The following KIRREL3 variants were observed in gnomAD, a reference collection of about 807,000 sequenced individuals.
KIRREL3 encodes kirre like nephrin family adhesion molecule 3.
Under a neutral mutation model 89.7 loss-of-function variants are expected in KIRREL3, and 36 were observed. The observed-to-expected ratio is 0.40, with a 90% CI of 0.31 to 0.53. The LOEUF is 0.53. Ranked by LOEUF, KIRREL3 falls within the 20% of genes least tolerant of loss-of-function variation. KIRREL3 has a pLI of 0.49. For synonymous variants in KIRREL3, 445 were observed against 441.4 expected, an observed-to-expected ratio of 1.01 and a Z score of -0.10; for missense variants, 864 against 1,056.6, an observed-to-expected ratio of 0.82 and a Z score of 2.53.
chr11:126,438,539 G>A lies in KIRREL3; in HGVS notation c.1354-1530C>T, dbSNP rs556871614. 9.2e-5 allele frequency among the ~76,000 whole-genome samples: 14 copies of A among 152,344 alleles called. No homozygotes were observed. The East Asian group carries it at 2.5e-3, about 27-fold the overall frequency. ...GTGATGACAACCAAAATGTCTCCAG[G>A]CACTGCCAAATGTCCCCTGGGGCCA... is the stretch of plus-strand genomic sequence containing the variant. On this transcript the variant is annotated intron_variant, in intron 11 of 16. Coordinates refer to ENST00000525144, the MANE Select transcript of KIRREL3 (RefSeq NM_032531.4).
chr11:126,899,071 G>A (rs1667612533), intron 1 of KIRREL3, among the ~76,000 whole-genome samples: 1 of 152,066 alleles, frequency 6.6e-6, no homozygotes, highest in African/African-American at 2.4e-5. Context: ...TTAACAGAAG[G>A]TGGAAGGCTG....
At chr11:127,000,830 C>A (rs914974587), upstream of KIRREL3, 4 of 465,310 alleles carry the variant, frequency 8.6e-6, no homozygotes, top group African/African-American at 2.0e-5. This position sits in a 1 kb window ranked among gnomAD's most constrained non-coding sequence, Gnocchi z 7.1. Context: ...AGTGAGCGAG[C>A]GAGCTAGTGA....
chr11:126,923,176 C>CT (rs766266024), intron 1 of KIRREL3, among the ~76,000 whole-genome samples: 7,763 of 17,568 alleles, frequency 0.44, 2,674 homozygotes, highest in Middle Eastern at 0.55. Flanking sequence ...TCTTCTTCTT[C>CT]TCTTCTTCTT....
intron 1 of KIRREL3, among the ~76,000 whole-genome samples, chr11:126,613,121 C>T (rs1405397173): frequency 6.6e-6 from 1 of 152,106 alleles, no homozygotes; most frequent in Non-Finnish European, 1.5e-5. Context: ...TGTCCACCCC[C>T]TTACATTTAA....
At chr11:126,753,660 A>C (rs925438041) in intron 1 of KIRREL3, among the ~76,000 whole-genome samples, 1 of 152,166 alleles carries the variant, frequency 6.6e-6, no homozygotes, top group African/African-American at 2.4e-5. Context: ...AAGGGTGACA[A>C]ATGGAGTATC....
At position 126,682,855 on chromosome 11, in the gene KIRREL3, G is replaced by A. The variant is rs542785100; in HGVS notation, c.56-119943C>T. On this transcript the variant is annotated intron_variant, in intron 1 of 16. Transcript: ENST00000525144. This position sits in a 1 kb window ranked among gnomAD's most constrained non-coding sequence, Gnocchi z 4.8. ...TCTGGTTCCTAACAGGCTGAGGACCGGTACCCCGGGGCTGGGGATCCCTGT... is the reference window on the plus strand; with the variant it reads ...TCTGGTTCCTAACAGGCTGAGGACCAGTACCCCGGGGCTGGGGATCCCTGT... Among the ~76,000 whole-genome samples the A allele has an allele frequency of 2.0e-5, 3 of 152,146 alleles. No homozygotes were observed. The highest frequency in any genetic ancestry group is 1.3e-4 in the Admixed American group (2 of 15,298).
intron 1 of KIRREL3, among the ~76,000 whole-genome samples, chr11:126,613,871 C>CTTTTTTTGTT (rs1943230508): frequency 1.1e-5 from 1 of 88,542 alleles, no homozygotes; most frequent in African/African-American, 5.3e-5. Context: ...AATACTGTTG[C>CTTTTTTTGTT]TTTTTTTTTT....
At chr11:126,616,185 G>T (rs1029097692) in intron 1 of KIRREL3, among the ~76,000 whole-genome samples, 2 of 152,196 alleles carry the variant, frequency 1.3e-5, no homozygotes, top group African/African-American at 2.4e-5. Context: ...TTACTGAGAT[G>T]GCGTTGCCCG....
intron 1 of KIRREL3, among the ~76,000 whole-genome samples, chr11:126,952,990 C>T (rs1038003744): frequency 6.6e-6 from 1 of 152,160 alleles, no homozygotes; most frequent in African/African-American, 2.4e-5. Flanking sequence ...TGGGTATATA[C>T]CCAAAGGATT....
chr11:126,799,126 G>A (rs200255319), intron 1 of KIRREL3, among the ~76,000 whole-genome samples: 30 of 130,556 alleles, frequency 2.3e-4, no homozygotes, highest in South Asian at 1.1e-3. Context: ...CTGTGTGTGC[G>A]TGTGCATGTA....
In KIRREL3 at chr11:126,486,091, T is replaced by C. The variant is rs1957352039; in HGVS notation, c.434-12625A>G. On this transcript the variant is annotated intron_variant, in intron 4 of 16. Transcript: ENST00000525144. This position sits in a 1 kb window ranked among gnomAD's most constrained non-coding sequence, Gnocchi z 6.2. ...TGTGAGGAGACAGACGTTTCATTAA[T>C]AATGAGTAGGGATGTAAGTCTCAGG... 6.6e-6 allele frequency among the ~76,000 whole-genome samples: 1 copy of C among 152,204 alleles called. No individual in the cohort carries two copies. The highest frequency in any genetic ancestry group is 1.5e-5 in the Non-Finnish European group (1 of 68,032).
chr11:126,674,878 G>A (rs543080888), intron 1 of KIRREL3, among the ~76,000 whole-genome samples: 1 of 152,322 alleles, frequency 6.6e-6, no homozygotes, highest in South Asian at 2.1e-4. Context: ...CATTTGGATG[G>A]CTGGAGGAGA....
At chr11:126,440,276 T>G in intron 11 of KIRREL3, 173 bp downstream of exon 11, 1 of 713,794 alleles carries the variant, frequency 1.4e-6, no homozygotes, top group Non-Finnish European at 2.5e-6. Context: ...GAGAAAGGCC[T>G]GCAATTGTGT....
At position 126,954,708 on chromosome 11, in the gene KIRREL3, T is replaced by C. The variant is rs765654534; in HGVS notation, c.55+45747A>G. Among the ~76,000 whole-genome samples the C allele has an allele frequency of 4.6e-5, 7 of 152,164 alleles. No homozygotes were observed. Among genetic ancestry groups the C allele is most frequent in the Non-Finnish European group, 7.3e-5 (5 of 68,032 alleles). ...AGTAGAATATCACAGGCAGTTCATT[T>C]TAACAGTAGTCATATATTGAGTTCC... On this transcript the variant is annotated intron_variant, in intron 1 of 16. Transcript: ENST00000525144. The surrounding 1 kb of genome is among the most constrained non-coding windows in gnomAD (Gnocchi z 4.1).
At position 126,965,364 on chromosome 11, in the gene KIRREL3, C is replaced by T. The variant is rs1949232428; in HGVS notation, c.55+35091G>A. On this transcript the variant is annotated intron_variant, in intron 1 of 16. Coordinates refer to ENST00000525144, the MANE Select transcript of KIRREL3 (RefSeq NM_032531.4). The surrounding 1 kb of genome is among the most constrained non-coding windows in gnomAD (Gnocchi z 4.4). ...AACTCTACCTTTGGACATCGGTACT[C>T]AACTCTTAAGAAGTGAAGAGTGTGT... Among the ~76,000 whole-genome samples the T allele has an allele frequency of 1.3e-5, 2 of 152,206 alleles. No homozygotes were observed. The highest frequency in any genetic ancestry group is 1.3e-4 in the Admixed American group (2 of 15,264).
intron 1 of KIRREL3, among the ~76,000 whole-genome samples, chr11:126,604,447 T>C (rs1435761534): frequency 2.0e-5 from 3 of 152,120 alleles, no homozygotes; most frequent in Admixed American, 6.5e-5. Context: ...TACAAGATAA[T>C]GTGTATACCA....
chr11:126,451,893 C>T (rs928735434), intron 7 of KIRREL3, among the ~76,000 whole-genome samples: 5 of 152,154 alleles, frequency 3.3e-5, no homozygotes, highest in African/African-American at 1.2e-4. Context: ...CTTTCCAGAG[C>T]TGCAGAGGCT....
At chr11:126,440,384 G>C in intron 11 of KIRREL3, 65 bp downstream of exon 11, 1 of 1,428,650 alleles carries the variant, frequency 7.0e-7, no homozygotes, top group South Asian at 1.2e-5. Context: ...GGCCACCCAG[G>C]TATTGGCAAA....
chr11:126,623,212 C>T lies in KIRREL3; in HGVS notation c.56-60300G>A, dbSNP rs1215277881. Among the ~76,000 whole-genome samples the T allele has an allele frequency of 6.6e-6, 1 of 152,180 alleles. No individual in the cohort carries two copies. The highest frequency in any genetic ancestry group is 6.5e-5 in the Admixed American group (1 of 15,278). The stretch of plus-strand genomic sequence containing the variant: ...ACAGTTTTCTTCACCTTCAACTCAT[C>T]TCAATGGGTGGAAAAACCTACCCAC... On this transcript the variant is annotated intron_variant, in intron 1 of 16. Transcript: ENST00000525144. The surrounding 1 kb of genome is among the most constrained non-coding windows in gnomAD (Gnocchi z 4.1).
Sources: gnomAD v4.1 joint callset for allele counts (sites outside exome capture counted in the v4.1 genomes callset) on GRCh38, gnomAD v4.1.1 for gene constraint, Gnocchi (gnomAD v3.1) non-coding constraint, MANE v1.5 for transcripts, NCBI Gene and HGNC (gene_info 2026-07-23, HGNC 2026-07-21) for gene names.